Variants in ZFR2 observed in about 807,000 individuals in gnomAD.
ZFR2 encodes the protein zinc finger RNA binding protein 2.
A neutral mutation model predicts 105.7 loss-of-function variants in ZFR2; 104 were observed. The ratio of observed to expected loss-of-function variants is 0.98; its 90% CI spans 0.84 to 1.16. ZFR2 has a LOEUF of 1.16. Ranked by LOEUF, ZFR2 falls within the 50% of genes most tolerant of loss-of-function variation. ZFR2 has a pLI of 0.00. For missense variants in ZFR2, 1,425 were observed against 1,355.5 expected (o/e 1.05, Z -0.80); for synonymous variants, 634 against 597.7 (o/e 1.06, Z -0.89).
chr19:3,846,363 G>T (rs912504099), intron 1 of ZFR2, among the ~76,000 whole-genome samples: 1 of 152,194 alleles, frequency 6.6e-6, no homozygotes, highest in Admixed American at 6.5e-5. Flanking sequence ...ATTAAATCCA[G>T]CCATCTTTGA....
Position 3,827,640 on chromosome 19 carries a change from T to A in ZFR2, c.866A>T (p.His289Leu). The change falls in exon 6 of 19, where the codon CAT (histidine) becomes CTT (leucine). Residue 289 changes from histidine (H) to leucine (L), a missense_variant. Physicochemically the swap from His to Leu is moderately conservative, Grantham distance 99. Transcript: ENST00000262961. ...CTTTCTGTGCTTCTGCCCTCCCAGA[T>A]GTTCCCGGTAGGTCTGCGGCAAGGG... ...SCAGPQTYREHLGGQKHRKKE... is the reference protein window; with the variant it reads ...SCAGPQTYRELLGGQKHRKKE... 1 of 1,581,328 alleles carries A rather than the reference T, an allele frequency of 6.3e-7. No individual in the cohort carries two copies. The highest frequency in any genetic ancestry group is 1.2e-5 in the South Asian group (1 of 86,208).
rs567935188 is a variant in ZFR2 at position 3,859,733 on chromosome 19, T to C, written c.53+9232A>G. On this transcript the variant is annotated intron_variant, in intron 1 of 18. Coordinates refer to ENST00000262961, the MANE Select transcript of ZFR2 (RefSeq NM_015174.2). ...AGGGAGAGAGTTTTCAAGTCTGTTT[T>C]ACCAGCAGTAAGACGACATTTCAAT... is the stretch of plus-strand genomic sequence containing the variant. 1.2e-4 allele frequency among the ~76,000 whole-genome samples: 19 copies of C among 152,324 alleles called. No homozygotes were observed. In the South Asian group the frequency reaches 3.9e-3, roughly 32 times the overall value.
At chr19:3,854,923 A>G (rs1293465874) in intron 1 of ZFR2, among the ~76,000 whole-genome samples, 1 of 152,080 alleles carries the variant, frequency 6.6e-6, no homozygotes, top group African/African-American at 2.4e-5. Flanking sequence ...CCACACCCAG[A>G]TAATTTTTAA....
chr19:3,806,636 A>G (rs1453663924), intron 18 of ZFR2, among the ~76,000 whole-genome samples: 2 of 151,796 alleles, frequency 1.3e-5, no homozygotes, highest in Non-Finnish European at 2.9e-5. Flanking sequence ...GGCTGACCAC[A>G]AGGACTGTCC....
At position 3,834,138 on chromosome 19, in the gene ZFR2, G is replaced by A. The variant is rs559267194; in HGVS notation, c.265-360C>T. Among the ~76,000 whole-genome samples, 2 of 152,344 alleles carry A rather than the reference G, an allele frequency of 1.3e-5. No homozygotes were observed. Among genetic ancestry groups the A allele is most frequent in the South Asian group, 2.1e-4 (1 of 4,826 alleles). On this transcript the variant is annotated intron_variant, in intron 2 of 18. Transcript: ENST00000262961. This position sits in a 1 kb window ranked among gnomAD's most constrained non-coding sequence, Gnocchi z 5.3. ...AGGAAGAGGGTGGGGTCAGGTGGGTGCTGAGCTTGAGTGACAGGGTGGCCT... is the reference window on the plus strand; with the variant it reads ...AGGAAGAGGGTGGGGTCAGGTGGGTACTGAGCTTGAGTGACAGGGTGGCCT...
intron 1 of ZFR2, among the ~76,000 whole-genome samples, chr19:3,854,575 T>TA (rs1220528051): frequency 1.3e-5 from 2 of 152,152 alleles, no homozygotes; most frequent in Non-Finnish European, 2.9e-5. Context: ...CTCAGATTCC[T>TA]ACATCCCAGA....
chr19:3,828,507 CCTG>C (rs1353903146), intron 5 of ZFR2, among the ~76,000 whole-genome samples: 4 of 152,162 alleles, frequency 2.6e-5, no homozygotes, highest in African/African-American at 9.7e-5. Flanking sequence ...AGCAAGGGCA[CCTG>C]CTGCCCGAAG....
At position 3,822,146 on chromosome 19, in the gene ZFR2, TGCACTC is replaced by T. The variant is rs2037903028; in HGVS notation, c.1420_1425del (p.Glu474_Cys475del). 1 of 1,610,066 alleles carries T rather than the reference TGCACTC, an allele frequency of 6.2e-7. No individual in the cohort carries two copies. Among genetic ancestry groups the T allele is most frequent in the East Asian group, 2.2e-5 (1 of 44,716 alleles). On this transcript the variant is annotated inframe_deletion, in exon 9 of 19. Transcript: ENST00000262961. ...TCCTTCGCGTTAAGGTCGTTGAAAC[TGCACTC>T]GCACAGCTTGCAGTGGAAGCGAAGC...
In ZFR2 at chr19:3,804,217, A is replaced by AC. The variant is rs965473378; in HGVS notation, c.*1731dup. On this transcript the variant is annotated 3_prime_UTR_variant, in exon 19 of 19. Coordinates refer to ENST00000262961, the MANE Select transcript of ZFR2 (RefSeq NM_015174.2). ...TGGGCAGCTGGCCAAAGAAAAAAAA[A>AC]CTGACCAAGCGGAAGGTTTGAACAG... 1.3e-5 allele frequency: 2 copies of AC among 152,160 alleles called. No individual in the cohort carries two copies. Among genetic ancestry groups the AC allele is most frequent in the African/African-American group, 4.8e-5 (2 of 41,372 alleles). 9.4% of individuals were successfully genotyped at this position (152,160 alleles called of 1,614,324 possible).
intron 1 of ZFR2, among the ~76,000 whole-genome samples, chr19:3,846,852 G>A (rs964446537): frequency 4.6e-5 from 7 of 152,228 alleles, no homozygotes; most frequent in Admixed American, 6.5e-5. Flanking sequence ...TATACTATGT[G>A]TTAGTTATCT....
intron 1 of ZFR2, among the ~76,000 whole-genome samples, chr19:3,856,030 G>A (rs1309190816): frequency 1.3e-5 from 2 of 152,216 alleles, no homozygotes; most frequent in African/African-American, 4.8e-5. Context: ...ATGGAAATGG[G>A]GGCGAGAGCA....
rs773913001 is a variant in ZFR2 at position 3,834,826 on chromosome 19, C to A, written c.211G>T (p.Gly71Cys). Residue 71 changes from glycine (G) to cysteine (C), a missense_variant, in exon 2 of 19, where the codon GGC becomes TGC. By Grantham distance (159) the Gly-to-Cys change is radical. Transcript: ENST00000262961. The surrounding 1 kb of genome is among the most constrained non-coding windows in gnomAD (Gnocchi z 5.3). ...QPHSGQDFAYGSRPQEPVPTA... is the reference protein window; with the variant it reads ...QPHSGQDFAYCSRPQEPVPTA... ...GGGACGGGCTCCTGGGGTCGGCTGC[C>A]GTAGGCGAAGTCCTGGCCGGAGTGG... 1 of 1,612,186 alleles carries A rather than the reference C, an allele frequency of 6.2e-7. No individual in the cohort carries two copies. Among genetic ancestry groups the A allele is most frequent in the East Asian group, 2.2e-5 (1 of 44,866 alleles).
At chr19:3,819,024 G>A in intron 12 of ZFR2, 21 bp downstream of exon 12, 1 of 1,608,548 alleles carries the variant, frequency 6.2e-7, no homozygotes, top group Non-Finnish European at 8.5e-7. Context: ...CCGGGCCCTG[G>A]GGAAGGGGAT....
In ZFR2 at chr19:3,808,882, C is replaced by T. The variant is rs756905723; in HGVS notation, c.2535G>A (p.Thr845=). The T allele has an allele frequency of 8.3e-5, 129 of 1,550,782 alleles. No homozygotes were observed. Among genetic ancestry groups the T allele is most frequent in the Non-Finnish European group, 9.0e-5 (104 of 1,150,114 alleles). Reference sequence around the variant, plus strand: ...GGCCCAGCGACTGACCTGTCAGGAGCGTCCCTGTGGCCACGCACTCCAGGA... The same window carrying T: ...GGCCCAGCGACTGACCTGTCAGGAGTGTCCCTGTGGCCACGCACTCCAGGA... The part of the protein sequence containing the change: ...RRVLECVATG[T]LLTDGPGLQD... The change falls in exon 17 of 19, where the codon ACG becomes ACA. Residue 845 remains threonine (T), a synonymous_variant. Coordinates refer to ENST00000262961, the MANE Select transcript of ZFR2 (RefSeq NM_015174.2).
At chr19:3,824,156 G>A (rs2037924946) in intron 7 of ZFR2, among the ~76,000 whole-genome samples, 1 of 152,072 alleles carries the variant, frequency 6.6e-6, no homozygotes, top group African/African-American at 2.4e-5. Flanking sequence ...AAAAAGTAGT[G>A]GGATGTGGTG....
chr19:3,816,877 C>T (rs936546783), intron 12 of ZFR2, 32 bp from the exon 13 acceptor site: 1 of 1,526,668 alleles, frequency 6.6e-7, no homozygotes, highest in Non-Finnish European at 8.9e-7. Context: ...CGTGCGCCAT[C>T]AGCGGAGAGA....
chr19:3,844,022 G>GC (rs927720580), intron 1 of ZFR2, among the ~76,000 whole-genome samples: 3 of 148,026 alleles, frequency 2.0e-5, no homozygotes, highest in Non-Finnish European at 3.0e-5. Context: ...GTGGGGGGGG[G>GC]GGTGCCAGGG....
At chr19:3,864,760 TTTC>T (rs2038411631) in intron 1 of ZFR2, among the ~76,000 whole-genome samples, 1 of 151,764 alleles carries the variant, frequency 6.6e-6, no homozygotes, top group Admixed American at 6.6e-5. Context: ...TTTCTCTCTT[TTTC>T]TTGAGACAGA....
intron 1 of ZFR2, among the ~76,000 whole-genome samples, chr19:3,867,223 C>T (rs1283954986): frequency 6.6e-6 from 1 of 151,450 alleles, no homozygotes; most frequent in Non-Finnish European, 1.5e-5. Flanking sequence ...GGGGGCTCAG[C>T]AGGGACTGTG....
Sources: allele counts gnomAD v4.1 joint callset (sites outside exome capture counted in the v4.1 genomes callset), GRCh38; gene constraint gnomAD v4.1.1; non-coding constraint Gnocchi (gnomAD v3.1); transcripts MANE v1.5; gene names NCBI Gene and HGNC (gene_info 2026-07-23, HGNC 2026-07-21).